Variants in FAM53B observed in about 807,000 individuals in gnomAD.
The protein encoded by FAM53B is family with sequence similarity 53 member B, also known as protein FAM53B.
Under a neutral mutation model 32.7 loss-of-function variants are expected in FAM53B, and 12 were observed. That is an observed-to-expected ratio of 0.37 (90% CI 0.24 to 0.59). The LOEUF (loss-of-function observed/expected upper bound fraction) is 0.59. FAM53B is among the 20% of genes least tolerant of loss of function. FAM53B has a pLI of 0.72. For missense variants in FAM53B, 477 were observed against 577.7 expected (o/e 0.83, Z 1.79); for synonymous variants, 234 against 228.7 (o/e 1.02, Z -0.21).
intron 4 of FAM53B, among the ~76,000 whole-genome samples, chr10:124,649,722 T>C (rs988262613): frequency 6.6e-6 from 1 of 152,204 alleles, no homozygotes; most frequent in African/African-American, 2.4e-5. Context: ...GCTGGCGGTG[T>C]CCCTGGTCTC....
At chr10:124,632,967 T>C (rs1048611387) in intron 4 of FAM53B, among the ~76,000 whole-genome samples, 1 of 152,142 alleles carries the variant, frequency 6.6e-6, no homozygotes, top group African/African-American at 2.4e-5. Context: ...CAGTTTCTCA[T>C]GTGTACAAGG....
intron 1 of FAM53B, among the ~76,000 whole-genome samples, chr10:124,730,490 A>AT (rs1478115999): frequency 6.6e-6 from 1 of 152,096 alleles, no homozygotes; most frequent in Non-Finnish European, 1.5e-5. Context: ...CAACAAACTA[A>AT]TTTTCAATTC....
chr10:124,637,035 G>A (rs1949436760), intron 4 of FAM53B, among the ~76,000 whole-genome samples: 1 of 152,140 alleles, frequency 6.6e-6, no homozygotes, highest in South Asian at 2.1e-4. Context: ...TGATTTATCT[G>A]CCCAAAGAGG....
chr10:124,740,618 CA>C, intron 1 of FAM53B, among the ~76,000 whole-genome samples: 1 of 152,122 alleles, frequency 6.6e-6, no homozygotes. Flanking sequence ...CTCAGCCATC[CA>C]GAAAAAACCC....
intron 4 of FAM53B, among the ~76,000 whole-genome samples, chr10:124,637,919 G>A (rs1043971683): frequency 4.6e-5 from 7 of 152,124 alleles, no homozygotes; most frequent in African/African-American, 1.4e-4. Context: ...AGGGAATTTC[G>A]CTCTCCATTC....
intron 1 of FAM53B, among the ~76,000 whole-genome samples, chr10:124,726,439 C>T (rs1285910675): frequency 6.6e-6 from 1 of 152,206 alleles, no homozygotes; most frequent in Non-Finnish European, 1.5e-5. Context: ...GCTGAACCAA[C>T]CACCCAGGTG....
At chr10:124,648,657 A>G (rs1949536462) in intron 4 of FAM53B, among the ~76,000 whole-genome samples, 1 of 152,250 alleles carries the variant, frequency 6.6e-6, no homozygotes, top group Non-Finnish European at 1.5e-5. Flanking sequence ...GTGCACCAAC[A>G]AGCCCCTAAA....
chr10:124,681,849 G>A lies in FAM53B; in HGVS notation c.664C>T (p.Arg222Trp), dbSNP rs139142762. 3.2e-5 allele frequency: 51 copies of A among 1,612,514 alleles called. No homozygotes were observed. The highest frequency in any genetic ancestry group is 6.7e-5 in the African/African-American group (5 of 74,938). ...SPDLHPVGGG[R>W]LDLQRSLSCS... ...GAGAGGGACCGCTGCAGGTCCAGCC[G>A]GCCTCCTCCCACGGGGTGCAGGTCA... Residue 222 changes from arginine (R) to tryptophan (W), a missense_variant, in exon 4 of 5, where the codon CGG (arginine) becomes TGG (tryptophan). By Grantham distance (101) the Arg-to-Trp change is moderately radical (BLOSUM62 -3). Coordinates refer to ENST00000337318, the MANE Select transcript of FAM53B (RefSeq NM_014661.4).
chr10:124,735,381 G>A (rs1462924266), intron 1 of FAM53B, among the ~76,000 whole-genome samples: 2 of 152,116 alleles, frequency 1.3e-5, no homozygotes, highest in Non-Finnish European at 2.9e-5. Context: ...AAAAGATTTC[G>A]TTTCCTAGAG....
intron 4 of FAM53B, among the ~76,000 whole-genome samples, chr10:124,662,324 T>C (rs1949636748): frequency 6.6e-6 from 1 of 152,252 alleles, no homozygotes; most frequent in Non-Finnish European, 1.5e-5. Flanking sequence ...AACAATGCTG[T>C]CATCCTTGCT....
chr10:124,709,531 A>G (rs950247266), intron 1 of FAM53B, among the ~76,000 whole-genome samples: 5 of 152,122 alleles, frequency 3.3e-5, no homozygotes, highest in African/African-American at 4.8e-5. Flanking sequence ...GAGTGCAGTG[A>G]CCCAGCCAAC....
intron 4 of FAM53B, among the ~76,000 whole-genome samples, chr10:124,630,250 C>CA (rs989569393): frequency 4.9e-4 from 74 of 152,144 alleles, no homozygotes; most frequent in Middle Eastern, 3.4e-3. Context: ...CCATTTCTAC[C>CA]AAAAAAACTA....
chr10:124,636,451 T>C (rs1003454732), intron 4 of FAM53B, among the ~76,000 whole-genome samples: 3 of 152,252 alleles, frequency 2.0e-5, no homozygotes, highest in African/African-American at 7.2e-5. Context: ...TGAGCCACCC[T>C]GTGCCAGACG....
intron 4 of FAM53B, among the ~76,000 whole-genome samples, chr10:124,631,696 C>T (rs1329550133): frequency 2.0e-5 from 3 of 152,138 alleles, no homozygotes; most frequent in East Asian, 3.9e-4. Flanking sequence ...CTTGCTGCTC[C>T]CACTCAGGCT....
intron 2 of FAM53B, among the ~76,000 whole-genome samples, chr10:124,696,809 T>A (rs920037229): frequency 6.6e-6 from 1 of 152,172 alleles, no homozygotes; most frequent in Admixed American, 6.5e-5. Context: ...ACTCAAGGGT[T>A]ATATTTGGTC....
chr10:124,742,573 T>C (rs1950205683), intron 1 of FAM53B: 1 of 152,278 alleles, frequency 6.6e-6, no homozygotes, highest in South Asian at 2.1e-4. Flanking sequence ...TTTGGAAGTC[T>C]GCTAATATGT....
chr10:124,742,232 A>G (rs561292432), intron 1 of FAM53B, among the ~76,000 whole-genome samples: 6 of 152,306 alleles, frequency 3.9e-5, no homozygotes, highest in Non-Finnish European at 8.8e-5. Flanking sequence ...ACCAATCCTG[A>G]GCCAAACCTT....
chr10:124,735,537 G>A (rs931677445), intron 1 of FAM53B, among the ~76,000 whole-genome samples: 3 of 152,132 alleles, frequency 2.0e-5, no homozygotes, highest in Non-Finnish European at 2.9e-5. Context: ...GGCTCTATCC[G>A]CCCCAGCCTG....
intron 4 of FAM53B, among the ~76,000 whole-genome samples, chr10:124,646,410 G>A (rs943408856): frequency 1.3e-5 from 2 of 152,228 alleles, no homozygotes; most frequent in African/African-American, 2.4e-5. Flanking sequence ...GAGGAGAAAC[G>A]TGCCATTCTA....
Sources: gnomAD v4.1 joint callset for allele counts (sites outside exome capture counted in the v4.1 genomes callset) on GRCh38, gnomAD v4.1.1 for gene constraint, MANE v1.5 for transcripts, NCBI Gene and HGNC (gene_info 2026-07-23, HGNC 2026-07-21) for gene names.